The following EYA1 variants were observed in gnomAD, a reference collection of about 807,000 sequenced individuals.
EYA1 encodes EYA transcriptional coactivator and phosphatase 1.
A neutral mutation model predicts 82.0 loss-of-function variants in EYA1; 16 were observed. That is an observed-to-expected ratio of 0.20 (90% CI 0.13 to 0.30). EYA1 has a LOEUF of 0.30. EYA1 is among the 10% of genes least tolerant of loss of function. EYA1 has a pLI of 1.00. For synonymous variants in EYA1, 261 were observed against 264.4 expected (o/e 0.99, Z 0.12); for missense variants, 633 against 730.7 (o/e 0.87, Z 1.54).
intron 2 of EYA1, among the ~76,000 whole-genome samples, chr8:71,450,427 C>T (rs529594710): frequency 1.3e-4 from 20 of 152,140 alleles, no homozygotes; most frequent in South Asian, 8.3e-4. Flanking sequence ...GATGGGAGAG[C>T]GGGTGGTAAG....
intron 11 of EYA1, 67 bp from the exon 12 acceptor site, chr8:71,244,759 T>A (rs986684626): frequency 3.1e-6 from 3 of 954,260 alleles, no homozygotes; most frequent in Non-Finnish European, 5.0e-6. Flanking sequence ...AGTGTCTCAT[T>A]AAGAGGAAGC....
chr8:71,213,893 C>T (rs927668501), intron 16 of EYA1, among the ~76,000 whole-genome samples: 1 of 152,226 alleles, frequency 6.6e-6, no homozygotes, highest in African/African-American at 2.4e-5. Context: ...TTCATCTCTA[C>T]ATTTATTGAT....
intron 1 of EYA1, among the ~76,000 whole-genome samples, chr8:71,543,156 G>T (rs1237268898): frequency 6.6e-6 from 1 of 152,066 alleles, no homozygotes; most frequent in Non-Finnish European, 1.5e-5. Context: ...GTCTTCCAGG[G>T]TTTTTATAGT....
intron 4 of EYA1, among the ~76,000 whole-genome samples, chr8:71,331,285 CAT>C (rs1554554475): frequency 6.3e-5 from 8 of 127,542 alleles, no homozygotes; most frequent in South Asian, 2.5e-4. Context: ...CACACACACA[CAT>C]ATATATACAT....
Position 71,321,797 on chromosome 8 carries a change from G to T in EYA1, c.355C>A (p.Gln119Lys). 6.2e-7 allele frequency: 1 copy of T among 1,614,244 alleles called. No individual in the cohort carries two copies. Among genetic ancestry groups the T allele is most frequent in the Non-Finnish European group, 8.5e-7 (1 of 1,180,046 alleles). Reference protein sequence around the residue: ...YGQTQFTTGMQQATAYATYPQ... With the variant: ...YGQTQFTTGMKQATAYATYPQ... The stretch of plus-strand genomic sequence containing the variant: ...TACGTGGCATAGGCTGTAGCTTGTT[G>T]CATTCCTGTGGTAAACTGTGTTTGC... The change falls in exon 6 of 18, where the codon CAA becomes AAA. Residue 119 changes from glutamine to lysine, a missense_variant. Physicochemically the swap from Gln to Lys is moderately conservative, Grantham distance 53. Transcript: ENST00000340726.
At chr8:71,537,511 A>G (rs1814796181) in intron 1 of EYA1, among the ~76,000 whole-genome samples, 1 of 152,190 alleles carries the variant, frequency 6.6e-6, no homozygotes, top group Non-Finnish European at 1.5e-5. Context: ...CCAAGGTGGG[A>G]TTTTAAAATA....
At chr8:71,437,070 A>ATG (rs1383971682) in intron 2 of EYA1, among the ~76,000 whole-genome samples, 1 of 139,052 alleles carries the variant, frequency 7.2e-6, no homozygotes, top group Non-Finnish European at 1.5e-5. Context: ...ATATATATAT[A>ATG]TCTCCATCTT....
intron 2 of EYA1, among the ~76,000 whole-genome samples, chr8:71,444,244 G>A (rs753020596): frequency 1.3e-4 from 20 of 152,316 alleles, no homozygotes; most frequent in Non-Finnish European, 2.5e-4. Context: ...CAAAGCAAAA[G>A]TGGTTCATGA....
intron 2 of EYA1, among the ~76,000 whole-genome samples, chr8:71,443,218 A>C (rs575972830): frequency 6.6e-6 from 1 of 152,328 alleles, no homozygotes; most frequent in African/African-American, 2.4e-5. Flanking sequence ...ATGATTGGTC[A>C]ACAGTTCTAC....
At chr8:71,461,187 A>G (rs1272808545) in intron 2 of EYA1, among the ~76,000 whole-genome samples, 3 of 152,124 alleles carry the variant, frequency 2.0e-5, no homozygotes, top group African/African-American at 7.2e-5. Context: ...CCTTTGCCCA[A>G]GAGGCACCCA....
At chr8:71,239,938 A>C (rs1812276083) in intron 12 of EYA1, among the ~76,000 whole-genome samples, 1 of 152,228 alleles carries the variant, frequency 6.6e-6, no homozygotes, top group South Asian at 2.1e-4. Context: ...GTCAGTACCA[A>C]GTGCTTTACT....
intron 2 of EYA1, among the ~76,000 whole-genome samples, chr8:71,429,516 A>G (rs1406677595): frequency 3.3e-5 from 5 of 152,184 alleles, no homozygotes; most frequent in Non-Finnish European, 7.4e-5. Context: ...TTGTGGCTGA[A>G]AAAGCAGCAC....
At chr8:71,272,779 C>T (rs954432291) in intron 9 of EYA1, among the ~76,000 whole-genome samples, 1 of 152,198 alleles carries the variant, frequency 6.6e-6, no homozygotes, top group Non-Finnish European at 1.5e-5. Flanking sequence ...CTCCCAAATT[C>T]CAGACGTCCA....
chr8:71,542,516 C>T (rs1343250468), intron 1 of EYA1, among the ~76,000 whole-genome samples: 1 of 152,182 alleles, frequency 6.6e-6, no homozygotes, highest in Non-Finnish European at 1.5e-5. Flanking sequence ...TAGTGCTGCA[C>T]TGAACATACA....
chr8:71,431,047 G>A (rs556584672), intron 2 of EYA1, among the ~76,000 whole-genome samples: 14 of 152,126 alleles, frequency 9.2e-5, no homozygotes, highest in Non-Finnish European at 1.9e-4. Flanking sequence ...TATGTTTGAC[G>A]GCTATAGATG....
chr8:71,346,838 C>T (rs1421177733), intron 3 of EYA1, among the ~76,000 whole-genome samples: 1 of 152,130 alleles, frequency 6.6e-6, no homozygotes, highest in East Asian at 1.9e-4. Context: ...TCTGTTAATG[C>T]ATTGTAAACT....
At chr8:71,429,126 A>G (rs1258079386) in intron 2 of EYA1, among the ~76,000 whole-genome samples, 1 of 152,206 alleles carries the variant, frequency 6.6e-6, no homozygotes, top group Admixed American at 6.5e-5. Flanking sequence ...ATTCATTAGA[A>G]TATATAATTT....
chr8:71,400,496 C>T (rs375555776), intron 2 of EYA1, among the ~76,000 whole-genome samples: 2 of 152,048 alleles, frequency 1.3e-5, no homozygotes, highest in Non-Finnish European at 2.9e-5. Context: ...ATAGACACTT[C>T]TCAAAAGCAA....
intron 2 of EYA1, among the ~76,000 whole-genome samples, chr8:71,463,419 C>G (rs1311258909): frequency 6.6e-6 from 1 of 152,172 alleles, no homozygotes; most frequent in Non-Finnish European, 1.5e-5. Context: ...ACTAGACAAC[C>G]ACCCCAGTGA....
Sources: gnomAD v4.1 joint callset for allele counts (sites outside exome capture counted in the v4.1 genomes callset) on GRCh38, gnomAD v4.1.1 for gene constraint, MANE v1.5 for transcripts, NCBI Gene and HGNC (gene_info 2026-07-23, HGNC 2026-07-21) for gene names.